The following CHRM3 variants were observed in gnomAD, a reference collection of about 807,000 sequenced individuals.
The protein encoded by CHRM3 is muscarinic acetylcholine receptor M3.
In CHRM3, 11 loss-of-function variants were observed where a neutral mutation model predicts 41.8. That is an observed-to-expected ratio of 0.26 (90% CI 0.17 to 0.44). CHRM3 has a LOEUF of 0.44. Among genes scored for constraint, CHRM3 ranks in the 20% least tolerant of loss-of-function variants. The probability of loss-of-function intolerance (pLI) is 1.00; values close to 1 mark genes in which losing one functional copy is unlikely to be tolerated. For synonymous variants in CHRM3, 297 were observed against 301.4 expected (o/e 0.99, Z 0.15); for missense variants, 571 against 745.4 (o/e 0.77, Z 2.72).
intron 2 of CHRM3, among the ~76,000 whole-genome samples, chr1:239,537,771 G>A (rs1053785787): frequency 7.2e-5 from 11 of 152,130 alleles, no homozygotes; most frequent in African/African-American, 2.7e-4. Context: ...AGGGTCTGTG[G>A]TTACACTGAG....
chr1:239,642,963 T>C (rs1671349975), intron 4 of CHRM3, among the ~76,000 whole-genome samples: 1 of 152,178 alleles, frequency 6.6e-6, no homozygotes, highest in Non-Finnish European at 1.5e-5. Flanking sequence ...TCCTTTCTGT[T>C]TTTTAGTTTT....
chr1:239,824,712 A>G (rs1220514205), intron 5 of CHRM3, among the ~76,000 whole-genome samples: 1 of 152,244 alleles, frequency 6.6e-6, no homozygotes, highest in South Asian at 2.1e-4. Context: ...GTGGAAAACA[A>G]TTAACATCTA....
chr1:239,803,898 C>T (rs185275173), intron 5 of CHRM3, among the ~76,000 whole-genome samples: 5 of 152,304 alleles, frequency 3.3e-5, no homozygotes, highest in South Asian at 2.1e-4. Context: ...CGTGATAGCA[C>T]GTTTGTCTGA....
chr1:239,627,537 C>T (rs1182203364), intron 3 of CHRM3, among the ~76,000 whole-genome samples: 2 of 110,876 alleles, frequency 1.8e-5, no homozygotes, highest in African/African-American at 7.4e-5. Flanking sequence ...GAATTTGATC[C>T]TGTCATTATG....
At chr1:239,772,193 C>T (rs1043264662) in intron 5 of CHRM3, among the ~76,000 whole-genome samples, 6 of 152,052 alleles carry the variant, frequency 3.9e-5, no homozygotes, top group South Asian at 2.1e-4. Flanking sequence ...CTCTGTCACC[C>T]GGGCTGAAGT....
chr1:239,666,014 A>G (rs1435187823), intron 4 of CHRM3, among the ~76,000 whole-genome samples: 1 of 152,126 alleles, frequency 6.6e-6, no homozygotes, highest in African/African-American at 2.4e-5. Flanking sequence ...ATGATTTATA[A>G]TCCTTTGGGT....
intron 3 of CHRM3, among the ~76,000 whole-genome samples, chr1:239,608,199 A>G (rs1303315157): frequency 1.3e-5 from 2 of 152,192 alleles, no homozygotes; most frequent in African/African-American, 4.8e-5. Context: ...GTCTAATTGT[A>G]TTTTGAAACC....
At chr1:239,435,651 T>TA (rs1169451223) in intron 1 of CHRM3, among the ~76,000 whole-genome samples, 3 of 151,836 alleles carry the variant, frequency 2.0e-5, no homozygotes, top group Admixed American at 2.0e-4. Flanking sequence ...TGTCCATACT[T>TA]AAAAAAAAGT....
At chr1:239,472,143 C>T (rs1666172162) in intron 1 of CHRM3, among the ~76,000 whole-genome samples, 1 of 152,266 alleles carries the variant, frequency 6.6e-6, no homozygotes. Context: ...CCTCAAAGAA[C>T]AGGGAAGATA....
At chr1:239,740,455 G>C (rs543570965) in intron 5 of CHRM3, among the ~76,000 whole-genome samples, 2 of 151,790 alleles carry the variant, frequency 1.3e-5, no homozygotes, top group African/African-American at 2.4e-5. Context: ...TGACATTGAG[G>C]GTGGTTTTTT....
chr1:239,713,386 A>G (rs1055697949), intron 5 of CHRM3, among the ~76,000 whole-genome samples: 2 of 152,160 alleles, frequency 1.3e-5, no homozygotes, highest in Middle Eastern at 3.2e-3. Context: ...CCTTTCCATC[A>G]CAATTGTGCC....
At chr1:239,449,363 A>G (rs960659218) in intron 1 of CHRM3, among the ~76,000 whole-genome samples, 4 of 152,198 alleles carry the variant, frequency 2.6e-5, no homozygotes, top group Non-Finnish European at 5.9e-5. Flanking sequence ...TTAGCTGATC[A>G]TTTCGAAAAA....
chr1:239,473,989 T>C (rs1666305911), intron 1 of CHRM3, among the ~76,000 whole-genome samples: 1 of 152,178 alleles, frequency 6.6e-6, no homozygotes, highest in South Asian at 2.1e-4. Context: ...ATTGTTTTAT[T>C]TGAAAATAAC....
chr1:239,632,429 A>AT (rs1158825063), intron 4 of CHRM3, 143 bp downstream of exon 4: 15 of 152,198 alleles, frequency 9.9e-5, no homozygotes, highest in African/African-American at 3.4e-4. Context: ...GTCATGCTCA[A>AT]TTTTTTGTGT....
chr1:239,615,467 C>T (rs192498240), intron 3 of CHRM3, among the ~76,000 whole-genome samples: 2 of 152,216 alleles, frequency 1.3e-5, no homozygotes, highest in African/African-American at 4.8e-5. Context: ...TGGTAGGAAT[C>T]CTCCAGAGTG....
At chr1:239,809,019 A>ATT (rs34075379) in intron 5 of CHRM3, among the ~76,000 whole-genome samples, 10,386 of 125,144 alleles carry the variant, frequency 0.083, 743 homozygotes, top group South Asian at 0.15. Flanking sequence ...TCTGAAGTCC[A>ATT]TTTTTTTTTT....
chr1:239,618,572 C>T lies in CHRM3; in HGVS notation c.-312-13652C>T, dbSNP rs183325858. On this transcript the variant is annotated intron_variant, in intron 3 of 6. Transcript: ENST00000676153. ...AAAAGATAGTCAAGATGGCCGGGCG[C>T]GGTGGCTCACGCCTGTAATCCCAGC... is the stretch of plus-strand genomic sequence containing the variant. Among the ~76,000 whole-genome samples, 641 of 151,846 alleles carry T rather than the reference C, an allele frequency of 4.2e-3. 2 individuals carry two copies. Among genetic ancestry groups the T allele is most frequent in the Middle Eastern group, 0.014 (4 of 292 alleles).
chr1:239,898,413 A>G (rs1392137459), intron 6 of CHRM3: 1 of 152,206 alleles, frequency 6.6e-6, no homozygotes, highest in Non-Finnish European at 1.5e-5. Flanking sequence ...TTATGACAGA[A>G]AACAGAGACA....
chr1:239,673,119 G>A (rs974557436), intron 4 of CHRM3, among the ~76,000 whole-genome samples: 3 of 152,128 alleles, frequency 2.0e-5, no homozygotes, highest in African/African-American at 4.8e-5. Context: ...ATGGCTTCCC[G>A]GAGCTGGAGA....
Sources: gnomAD v4.1 joint callset for allele counts (sites outside exome capture counted in the v4.1 genomes callset) on GRCh38, gnomAD v4.1.1 for gene constraint, MANE v1.5 for transcripts, NCBI Gene and HGNC (gene_info 2026-07-23, HGNC 2026-07-21) for gene names.